Variants in OSBPL6 observed in about 807,000 individuals in gnomAD.
OSBPL6 encodes the protein oxysterol-binding protein-related protein 6.
OSBPL6 carries 49 observed loss-of-function variants against 125.8 expected under a neutral mutation model. The observed-to-expected ratio is 0.39, with a 90% CI of 0.31 to 0.49. The LOEUF (loss-of-function observed/expected upper bound fraction) is 0.49, where lower values mean the gene tolerates loss of function less well. Ranked by LOEUF, OSBPL6 falls within the 20% of genes least tolerant of loss-of-function variation. OSBPL6 has a pLI of 0.88. For missense variants in OSBPL6, 986 were observed against 1,135.4 expected (o/e 0.87, Z 1.89); for synonymous variants, 394 against 391.8 (o/e 1.01, Z -0.07).
In OSBPL6 at chr2:178,356,347, G is replaced by A. The variant is rs185366447; in HGVS notation, c.1154-5335G>A. ...TGTATATTTAGAAAACCCCATTGCC[G>A]CCACCCCAAATCTCCTTAAGCTGAT... On this transcript the variant is annotated intron_variant, in intron 12 of 24. Transcript: ENST00000190611. 3.4e-3 allele frequency among the ~76,000 whole-genome samples: 523 copies of A among 151,970 alleles called. 3 individuals are homozygous for A. Among genetic ancestry groups the A allele is most frequent in the African/African-American group, 0.011 (469 of 41,466 alleles).
At chr2:178,394,270 A>G (rs1695663636) in intron 23 of OSBPL6, 43 bp from the exon 24 acceptor site, 2 of 1,590,388 alleles carry the variant, frequency 1.3e-6, no homozygotes, top group Admixed American at 1.9e-5. Context: ...TTTCCCCCAG[A>G]AAAGAGGATA....
intron 11 of OSBPL6, among the ~76,000 whole-genome samples, chr2:178,348,120 C>G (rs998808919): frequency 4.6e-5 from 7 of 152,154 alleles, no homozygotes; most frequent in Admixed American, 3.9e-4. Flanking sequence ...TTTCTCTCAC[C>G]AAATAGGAAG....
chr2:178,305,727 C>T (rs777439509), intron 2 of OSBPL6, among the ~76,000 whole-genome samples: 10 of 152,172 alleles, frequency 6.6e-5, no homozygotes, highest in Non-Finnish European at 1.0e-4. Context: ...GAGAATCTGG[C>T]GTCTTTAGCA....
intron 1 of OSBPL6, among the ~76,000 whole-genome samples, chr2:178,248,670 T>C (rs2091578950): frequency 6.6e-6 from 1 of 152,196 alleles, no homozygotes; most frequent in African/African-American, 2.4e-5. Context: ...GAGTCTTCCA[T>C]CTCAGTGTTG....
rs772925196 is a variant in OSBPL6, at chr2:178,382,466, C to A, written c.1580C>A (p.Ser527Tyr). ...SYISDVSDNI[S>Y]EDNTSVADNI... Reference sequence around the variant, plus strand: ...ATCAGTGATGTGAGTGATAATATATCTGAAGACAACACCAGTGTTGCAGAC... The same window carrying A: ...ATCAGTGATGTGAGTGATAATATATATGAAGACAACACCAGTGTTGCAGAC... The change falls in exon 16 of 25, where the codon TCT becomes TAT. Residue 527 changes from serine (S) to tyrosine (Y), a missense_variant. By Grantham distance (144) the Ser-to-Tyr change is moderately radical. This residue lies in a region of OSBPL6 where 843 missense variants were observed against 997.3 expected (regional missense o/e 0.85). Coordinates refer to ENST00000190611, the MANE Select transcript of OSBPL6 (RefSeq NM_032523.4). 4.3e-6 allele frequency: 7 copies of A among 1,613,824 alleles called. No individual in the cohort carries two copies. Among genetic ancestry groups the A allele is most frequent in the Admixed American group, 3.3e-5 (2 of 59,968 alleles).
At chr2:178,215,412 C>T in intron 1 of OSBPL6, among the ~76,000 whole-genome samples, 1 of 152,154 alleles carries the variant, frequency 6.6e-6, no homozygotes, top group East Asian at 1.9e-4. Context: ...TTTATCACAG[C>T]AGACATTTAC....
chr2:178,278,081 A>T (rs543860195), intron 1 of OSBPL6, among the ~76,000 whole-genome samples: 2 of 152,070 alleles, frequency 1.3e-5, no homozygotes, highest in East Asian at 3.9e-4. Context: ...CCGTCTCTTG[A>T]TTTTCATATA....
At chr2:178,224,955 C>CTG (rs2090486727) in intron 1 of OSBPL6, among the ~76,000 whole-genome samples, 3 of 152,030 alleles carry the variant, frequency 2.0e-5, no homozygotes, top group African/African-American at 7.2e-5. Flanking sequence ...AGTTCTCTCT[C>CTG]TGTGTCTCTG....
chr2:178,302,436 C>A (rs1686379802), intron 2 of OSBPL6, among the ~76,000 whole-genome samples: 1 of 152,128 alleles, frequency 6.6e-6, no homozygotes, highest in Admixed American at 6.5e-5. Context: ...AGTTCCTACA[C>A]TCTAAAGAAT....
rs766825138 is a variant in OSBPL6 at position 178,395,605 on chromosome 2, A to C, written c.*46A>C. On this transcript the variant is annotated 3_prime_UTR_variant, in exon 25 of 25. Coordinates refer to ENST00000190611, the MANE Select transcript of OSBPL6 (RefSeq NM_032523.4). ...CAACATATCACATTCTGAATGAATA[A>C]ATAACTATGCACAATTATGTTTCTT... 2.2e-6 allele frequency: 3 copies of C among 1,354,334 alleles called. No homozygotes were observed. The African/African-American group carries it at 4.4e-5, about 20-fold the overall frequency. 83.9% of individuals were successfully genotyped at this position (1,354,334 alleles called of 1,614,324 possible).
chr2:178,320,558 T>C (rs1243169157), intron 3 of OSBPL6, among the ~76,000 whole-genome samples: 1 of 152,234 alleles, frequency 6.6e-6, no homozygotes, highest in Non-Finnish European at 1.5e-5. Context: ...ATAATGTGTG[T>C]AACACCTTGA....
intron 12 of OSBPL6, among the ~76,000 whole-genome samples, chr2:178,356,721 A>C (rs555846676): frequency 6.6e-6 from 1 of 152,372 alleles, no homozygotes; most frequent in East Asian, 1.9e-4. Context: ...CTTTCTTCAC[A>C]GAATTGGAAA....
At chr2:178,241,531 A>G (rs895947209) in intron 1 of OSBPL6, among the ~76,000 whole-genome samples, 3 of 150,552 alleles carry the variant, frequency 2.0e-5, no homozygotes, top group African/African-American at 7.4e-5. Flanking sequence ...ATCTCCTGCT[A>G]TAGCCTCCCA....
intron 15 of OSBPL6, among the ~76,000 whole-genome samples, chr2:178,380,893 C>T (rs1054452338): frequency 6.6e-6 from 1 of 152,138 alleles, no homozygotes; most frequent in Non-Finnish European, 1.5e-5. Flanking sequence ...AAACTGATCT[C>T]CTTTTTCAGT....
At chr2:178,247,837 C>T (rs1010461645) in intron 1 of OSBPL6, among the ~76,000 whole-genome samples, 25 of 152,120 alleles carry the variant, frequency 1.6e-4, no homozygotes, top group African/African-American at 5.6e-4. Context: ...TTTCCCTGCT[C>T]CTTATACCTC....
At chr2:178,390,147 T>C (rs1695275455) in intron 21 of OSBPL6, among the ~76,000 whole-genome samples, 1 of 152,218 alleles carries the variant, frequency 6.6e-6, no homozygotes. Context: ...TTAACTAAAA[T>C]ATGTAAATCA....
chr2:178,220,592 C>G (rs2090297313), intron 1 of OSBPL6, among the ~76,000 whole-genome samples: 1 of 152,174 alleles, frequency 6.6e-6, no homozygotes, highest in Admixed American at 6.5e-5. Context: ...AGGCATGAGC[C>G]ACTGTGCCCA....
intron 15 of OSBPL6, among the ~76,000 whole-genome samples, chr2:178,375,563 C>T (rs1369324918): frequency 6.6e-6 from 1 of 152,120 alleles, no homozygotes; most frequent in Non-Finnish European, 1.5e-5. Flanking sequence ...GTGGGGATTA[C>T]AGGCATGCAC....
At chr2:178,255,212 G>A (rs189369747) in intron 1 of OSBPL6, among the ~76,000 whole-genome samples, 3 of 152,262 alleles carry the variant, frequency 2.0e-5, no homozygotes, top group Admixed American at 2.0e-4. Flanking sequence ...GCTGAGGCAG[G>A]AGAATTGCTT....
Sources: allele counts gnomAD v4.1 joint callset (sites outside exome capture counted in the v4.1 genomes callset), GRCh38; gene constraint gnomAD v4.1.1; regional missense constraint gnomAD v4.1.1; transcripts MANE v1.5; gene names NCBI Gene and HGNC (gene_info 2026-07-23, HGNC 2026-07-21).